IL12RB2: variants seen among roughly 807,000 people sequenced by gnomAD.
IL12RB2 encodes interleukin-12 receptor subunit beta-2.
IL12RB2 carries 82 observed loss-of-function variants against 89.4 expected under a neutral mutation model. The ratio of observed to expected loss-of-function variants is 0.92; its 90% CI spans 0.77 to 1.10. The LOEUF (loss-of-function observed/expected upper bound fraction) is 1.10. Ranked by LOEUF, IL12RB2 falls within the 50% of genes least tolerant of loss-of-function variation. IL12RB2 has a pLI of 0.00. For missense variants in IL12RB2, 963 were observed against 1,031.9 expected, an observed-to-expected ratio of 0.93 and a Z score of 0.92; for synonymous variants, 368 against 370.1, an observed-to-expected ratio of 0.99 and a Z score of 0.07.
intron 8 of IL12RB2, among the ~76,000 whole-genome samples, chr1:67,336,271 C>T (rs555774217): frequency 1.8e-4 from 27 of 152,176 alleles, no homozygotes; most frequent in Non-Finnish European, 3.8e-4. Context: ...TTTTGCCAGC[C>T]TCCTTGTCCT....
intron 9 of IL12RB2, among the ~76,000 whole-genome samples, chr1:67,341,032 T>C (rs1659468942): frequency 6.6e-6 from 1 of 152,198 alleles, no homozygotes; most frequent in Admixed American, 6.5e-5. Flanking sequence ...TCTTATTGTT[T>C]AGAAAATGTT....
intron 10 of IL12RB2, among the ~76,000 whole-genome samples, chr1:67,357,755 G>A (rs1383929918): frequency 2.6e-5 from 4 of 152,296 alleles, no homozygotes; most frequent in East Asian, 3.9e-4. Flanking sequence ...TAACTCAGCC[G>A]ATGGGATGAA....
Position 67,395,986 on chromosome 1 carries a change from T to C in IL12RB2, c.2486T>C (p.Leu829Pro). ...LEELEPQHIS[L>P]SVFPSSSLHP... ...GAACTGGAGCCTCAGCACATCTCCC[T>C]TTCTGTTTTCCCCTCAAGTTCTCTT... is the stretch of plus-strand genomic sequence containing the variant. Residue 829 changes from leucine (L) to proline (P), a missense_variant, in exon 17 of 17, where the codon CTT becomes CCT. Coordinates refer to ENST00000674203, the MANE Select transcript of IL12RB2 (RefSeq NM_001374259.2). 2 of 1,604,342 alleles carry C rather than the reference T, an allele frequency of 1.2e-6. No homozygotes were observed. The highest frequency in any genetic ancestry group is 8.5e-7 in the Non-Finnish European group (1 of 1,171,034).
At chr1:67,330,627 T>TA in intron 7 of IL12RB2, 33 bp from the exon 8 acceptor site, 1 of 1,081,614 alleles carries the variant, frequency 9.2e-7, no homozygotes, top group South Asian at 1.2e-5. Context: ...AATCTAGTAT[T>TA]AATAGGCACT....
At chr1:67,349,092 A>G (rs932922147) in intron 9 of IL12RB2, among the ~76,000 whole-genome samples, 13 of 152,176 alleles carry the variant, frequency 8.5e-5, no homozygotes, top group African/African-American at 3.1e-4. Flanking sequence ...AGCAGTCACT[A>G]TGCACAGCCA....
At chr1:67,355,171 TG>T (rs1214809373) in intron 10 of IL12RB2, among the ~76,000 whole-genome samples, 3 of 152,082 alleles carry the variant, frequency 2.0e-5, no homozygotes, top group African/African-American at 7.2e-5. Flanking sequence ...CCCAGGACTT[TG>T]GGAGGCCGAG....
intron 3 of IL12RB2, 42 bp downstream of exon 3, chr1:67,320,486 T>A: frequency 1.9e-6 from 3 of 1,612,264 alleles, no homozygotes; most frequent in South Asian, 2.2e-5. Flanking sequence ...GAATTTGTGG[T>A]TTAAATTCTC....
intron 10 of IL12RB2, among the ~76,000 whole-genome samples, chr1:67,357,890 C>G (rs1661573235): frequency 6.6e-6 from 1 of 151,794 alleles, no homozygotes; most frequent in African/African-American, 2.4e-5. Context: ...ACTGAAAGAG[C>G]AGAAATAGAA....
intron 10 of IL12RB2, among the ~76,000 whole-genome samples, chr1:67,353,667 CAG>C (rs1232823058): frequency 6.6e-6 from 1 of 152,130 alleles, no homozygotes; most frequent in Non-Finnish European, 1.5e-5. Context: ...AAAATGTTAA[CAG>C]AGATCATTTG....
intron 2 of IL12RB2, among the ~76,000 whole-genome samples, chr1:67,315,187 T>C (rs1244165190): frequency 2.6e-5 from 4 of 152,102 alleles, no homozygotes; most frequent in Non-Finnish European, 5.9e-5. Context: ...CATATAAATA[T>C]GTATGTTTAT....
chr1:67,330,864 G>A lies in IL12RB2; in HGVS notation c.958+54G>A, dbSNP rs538665932. On this transcript the variant is annotated intron_variant, in intron 8 of 16. Transcript: ENST00000674203. ...GGGGAGCAATAAAGGGGAGAGAGGG[G>A]GGAAGATGTAATGATTTCCTTGGAA... 1.4e-5 allele frequency: 13 copies of A among 956,876 alleles called. No homozygotes were observed. The African/African-American group carries it at 1.4e-4, about 11-fold the overall frequency. 59.3% of individuals were successfully genotyped at this position (956,876 alleles called of 1,614,324 possible).
intron 11 of IL12RB2, among the ~76,000 whole-genome samples, chr1:67,369,500 T>A (rs937784838): frequency 6.6e-6 from 1 of 152,238 alleles, no homozygotes; most frequent in Non-Finnish European, 1.5e-5. Flanking sequence ...GTGTTCCCTG[T>A]CCCTAGAGTT....
chr1:67,385,784 TA>T (rs1456518635), intron 14 of IL12RB2, among the ~76,000 whole-genome samples: 1 of 152,228 alleles, frequency 6.6e-6, no homozygotes, highest in Non-Finnish European at 1.5e-5. Context: ...TATACTTTGC[TA>T]AAATTAATAG....
Position 67,321,664 on chromosome 1 carries a change from G to A in IL12RB2, c.139G>A (p.Val47Ile). ...PSHVILLGST[V>I]NITCSLKPRQ... Reference sequence around the variant, plus strand: ...CCATGTAATTTTACTTGGATCCACTGTCAATATTACATGCTCTTTGAAGCC... The same window carrying A: ...CCATGTAATTTTACTTGGATCCACTATCAATATTACATGCTCTTTGAAGCC... The change falls in exon 4 of 17, where the codon GTC becomes ATC. Residue 47 changes from valine to isoleucine, a missense_variant. By Grantham distance (29) the Val-to-Ile change is conservative (BLOSUM62 3). Coordinates refer to ENST00000674203, the MANE Select transcript of IL12RB2 (RefSeq NM_001374259.2). 6.2e-7 allele frequency: 1 copy of A among 1,602,354 alleles called. No individual in the cohort carries two copies. Among genetic ancestry groups the A allele is most frequent in the Non-Finnish European group, 8.6e-7 (1 of 1,169,270 alleles).
At chr1:67,326,943 T>TTTTATTTGTTTA (rs1553310360) in intron 5 of IL12RB2, 94 bp downstream of exon 5, 1 of 689,502 alleles carries the variant, frequency 1.5e-6, no homozygotes, top group Admixed American at 5.8e-5. Flanking sequence ...TTTTATTTTA[T>TTTTATTTGTTTA]TTTATTTATT....
chr1:67,392,962 T>G (rs913658189), intron 16 of IL12RB2, among the ~76,000 whole-genome samples: 3 of 152,120 alleles, frequency 2.0e-5, no homozygotes, highest in African/African-American at 7.2e-5. Flanking sequence ...ATAATTTTTT[T>G]GCAAAAATAA....
At chr1:67,361,132 G>C (rs903551291) in intron 10 of IL12RB2, among the ~76,000 whole-genome samples, 25 of 152,098 alleles carry the variant, frequency 1.6e-4, no homozygotes, top group Non-Finnish European at 4.4e-5. Context: ...TGTAATCATA[G>C]GGTTATAGAA....
Position 67,372,433 on chromosome 1 carries a change from C to T in IL12RB2, c.1460-3C>T. 2.0e-6 allele frequency: 3 copies of T among 1,517,808 alleles called. No individual in the cohort carries two copies. The highest frequency in any genetic ancestry group is 1.1e-5 in the South Asian group (1 of 89,164). 94.0% of individuals were successfully genotyped at this position (1,517,808 alleles called of 1,614,324 possible). A position where few individuals can be genotyped will look rare whatever the true frequency, so the allele number is the denominator to read the frequency against. ...TGTTATGGGAATTCCCTTTTCCTTGCAGAGAACATAAAATCCTACATCTGT... is the reference window on the plus strand; with the variant it reads ...TGTTATGGGAATTCCCTTTTCCTTGTAGAGAACATAAAATCCTACATCTGT... On this transcript the variant is annotated splice_region_variant and splice_polypyrimidine_tract_variant and intron_variant, in intron 11 of 16. Coordinates refer to ENST00000674203, the MANE Select transcript of IL12RB2 (RefSeq NM_001374259.2).
chr1:67,379,128 C>T (rs989341786), intron 13 of IL12RB2, among the ~76,000 whole-genome samples: 12 of 150,946 alleles, frequency 7.9e-5, no homozygotes, highest in African/African-American at 1.5e-4. Context: ...ACCTAGGAGG[C>T]GGAGGTTACA....
Sources: allele counts gnomAD v4.1 joint callset (sites outside exome capture counted in the v4.1 genomes callset), GRCh38; gene constraint gnomAD v4.1.1; transcripts MANE v1.5; gene names NCBI Gene and HGNC (gene_info 2026-07-23, HGNC 2026-07-21).